Variants in IMPG2 observed in about 807,000 individuals in gnomAD.
IMPG2 encodes the protein IPM 200.
IMPG2 carries 91 observed loss-of-function variants against 129.2 expected under a neutral mutation model. That is an observed-to-expected ratio of 0.70 (90% CI 0.59 to 0.84). The LOEUF (loss-of-function observed/expected upper bound fraction) is 0.84. IMPG2 is among the 40% of genes least tolerant of loss of function. The probability of loss-of-function intolerance (pLI) is 0.00; values close to 1 mark genes in which losing one functional copy is unlikely to be tolerated. For missense variants in IMPG2, 1,430 were observed against 1,461.7 expected (o/e 0.98, Z 0.35); for synonymous variants, 510 against 517.7 (o/e 0.99, Z 0.20).
chr3:101,238,692 C>T (rs1409034303), intron 14 of IMPG2, among the ~76,000 whole-genome samples: 2 of 152,162 alleles, frequency 1.3e-5, no homozygotes, highest in African/African-American at 2.4e-5. Flanking sequence ...CACCATTAGG[C>T]CTGCCTTACA....
rs773667827 is a variant in IMPG2 at position 101,243,707 on chromosome 3, G to A, written c.2624C>T (p.Thr875Ile). 6.2e-7 allele frequency: 1 copy of A among 1,614,052 alleles called. No individual in the cohort carries two copies. Among genetic ancestry groups the A allele is most frequent in the Non-Finnish European group, 8.5e-7 (1 of 1,179,982 alleles). The stretch of plus-strand genomic sequence containing the variant: ...GGGCCAAGCCACACTAACCATCTCT[G>A]TGGAGTGAACACTTGTTGACATTTC... ...YVEMSTSVHSTEMVSVAWPTE... is the reference protein window; with the variant it reads ...YVEMSTSVHSIEMVSVAWPTE... The change falls in exon 13 of 19, where the codon ACA (threonine) becomes ATA (isoleucine). Residue 875 changes from threonine (T) to isoleucine (I), a missense_variant. Transcript: ENST00000193391.
chr3:101,229,516 T>A lies in IMPG2; in HGVS notation c.3497A>T (p.His1166Leu), dbSNP rs1318483213. 1.2e-6 allele frequency: 2 copies of A among 1,613,800 alleles called. No individual in the cohort carries two copies. The highest frequency in any genetic ancestry group is 1.7e-6 in the Non-Finnish European group (2 of 1,180,032). Residue 1166 changes from histidine to leucine, a missense_variant, in exon 17 of 19, where the codon CAC becomes CTC. Transcript: ENST00000193391. ...CTCATACTTCTCACATCCAGCCCTG[T>A]GACTTTCATACACGGGGTTGTACTT... ...AVKYNPVYES[H>L]RAGCEKYEGP...
intron 8 of IMPG2, 73 bp downstream of exon 8, chr3:101,269,442 T>C: frequency 1.2e-6 from 1 of 860,266 alleles, no homozygotes; most frequent in Non-Finnish European, 2.0e-6. Context: ...ATATGTGTGA[T>C]AAATATAATG....
chr3:101,281,623 C>A (rs1333993455), intron 4 of IMPG2, among the ~76,000 whole-genome samples: 1 of 152,116 alleles, frequency 6.6e-6, no homozygotes, highest in African/African-American at 2.4e-5. Context: ...CAAAGAGGGC[C>A]ATATCTTAAT....
intron 2 of IMPG2, among the ~76,000 whole-genome samples, chr3:101,312,474 T>C (rs1436918106): frequency 6.6e-6 from 1 of 152,046 alleles, no homozygotes; most frequent in Non-Finnish European, 1.5e-5. Context: ...TGAGACATCA[T>C]TTCAAACCTA....
rs375172482 is a variant in IMPG2, at chr3:101,245,797, C to G, written c.1543+5G>C. The stretch of plus-strand genomic sequence containing the variant: ...GAAGTACGAAAAGCAATTAAAGTTT[C>G]TCACCATCTTCTACCAAGTGAGATC... On this transcript the variant is annotated splice_donor_5th_base_variant and intron_variant, in intron 12 of 18. Coordinates refer to ENST00000193391, the MANE Select transcript of IMPG2 (RefSeq NM_016247.4). 1.2e-6 allele frequency: 2 copies of G among 1,613,132 alleles called. No homozygotes were observed. Among genetic ancestry groups the G allele is most frequent in the Non-Finnish European group, 1.7e-6 (2 of 1,179,272 alleles).
chr3:101,310,418 G>T (rs758864461), intron 2 of IMPG2, among the ~76,000 whole-genome samples: 8 of 151,972 alleles, frequency 5.3e-5, no homozygotes, highest in Non-Finnish European at 1.2e-4. Flanking sequence ...AATTAGCCGG[G>T]CATGGTGGCA....
intron 11 of IMPG2, among the ~76,000 whole-genome samples, chr3:101,246,959 G>A (rs1459690843): frequency 6.6e-6 from 1 of 152,004 alleles, no homozygotes; most frequent in African/African-American, 2.4e-5. Context: ...AGCCAGGCAT[G>A]GTGGCACACA....
rs751422622 is a variant in IMPG2, at chr3:101,244,751, G to A, written c.1580C>T (p.Ser527Phe). Residue 527 changes from serine (S) to phenylalanine (F), a missense_variant, in exon 13 of 19, where the codon TCT becomes TTT. Coordinates refer to ENST00000193391, the MANE Select transcript of IMPG2 (RefSeq NM_016247.4). ...ANVEESEDFLSIDSLPSSSFT... is the reference protein window; with the variant it reads ...ANVEESEDFLFIDSLPSSSFT... ...TGAACTTGAAGGCAATGAATCAATAGAAAGAAAATCTTCTGACTCTTCAAC... is the reference window on the plus strand; with the variant it reads ...TGAACTTGAAGGCAATGAATCAATAAAAAGAAAATCTTCTGACTCTTCAAC... The A allele has an allele frequency of 1.9e-6, 3 of 1,613,862 alleles. No individual in the cohort carries two copies. The highest frequency in any genetic ancestry group is 2.5e-6 in the Non-Finnish European group (3 of 1,179,908).
intron 11 of IMPG2, among the ~76,000 whole-genome samples, chr3:101,249,339 A>C (rs1706519512): frequency 6.6e-6 from 1 of 152,200 alleles, no homozygotes; most frequent in Non-Finnish European, 1.5e-5. Flanking sequence ...ATTAAAGTTT[A>C]AGTCATTTCT....
intron 2 of IMPG2, among the ~76,000 whole-genome samples, chr3:101,313,865 G>T (rs1029739863): frequency 1.8e-4 from 27 of 152,052 alleles, no homozygotes; most frequent in African/African-American, 6.5e-4. Flanking sequence ...AAAGCTACTA[G>T]AACTGGTAAG....
Position 101,269,872 on chromosome 3 carries a change from T to C in IMPG2, c.829-299A>G, listed in dbSNP as rs148352020. On this transcript the variant is annotated intron_variant, in intron 7 of 18. Coordinates refer to ENST00000193391, the MANE Select transcript of IMPG2 (RefSeq NM_016247.4). ...TGTTTTTCCCTTATGTGATGAAATG[T>C]GAAAAAAAAATTGTTTCAAAAGAAG... Among the ~76,000 whole-genome samples, 118 of 150,800 alleles carry C rather than the reference T, an allele frequency of 7.8e-4. 3 individuals are homozygous for C. In the East Asian group the frequency reaches 0.02, roughly 26 times the overall value.
chr3:101,254,707 A>C (rs548199162), intron 10 of IMPG2, among the ~76,000 whole-genome samples: 2 of 152,234 alleles, frequency 1.3e-5, no homozygotes, highest in East Asian at 3.9e-4. Flanking sequence ...TATGAAAAAT[A>C]AGCTCCACAA....
At position 101,251,130 on chromosome 3, in the gene IMPG2, A is replaced by C. The variant is rs141892325; in HGVS notation, c.1239+2566T>G. 5.6e-3 allele frequency among the ~76,000 whole-genome samples: 847 copies of C among 152,340 alleles called. 11 individuals carry two copies. Among genetic ancestry groups the C allele is most frequent in the African/African-American group, 0.02 (821 of 41,584 alleles). On this transcript the variant is annotated intron_variant, in intron 11 of 18. Coordinates refer to ENST00000193391, the MANE Select transcript of IMPG2 (RefSeq NM_016247.4). ...TTAAGCCCTTCAAGCCATGCTTAAG[A>C]AATTGAGTTTTATCAGACAGAGCGC...
chr3:101,237,341 T>C (rs996088354), intron 14 of IMPG2, among the ~76,000 whole-genome samples: 2 of 152,072 alleles, frequency 1.3e-5, no homozygotes, highest in African/African-American at 2.4e-5. Context: ...GAGCAGCAGA[T>C]CTCCCAGCAC....
intron 10 of IMPG2, 43 bp from the exon 11 acceptor site, chr3:101,253,824 C>T (rs749152123): frequency 7.3e-7 from 1 of 1,375,772 alleles, no homozygotes; most frequent in Non-Finnish European, 1.0e-6. Flanking sequence ...AGATGAGGCC[C>T]TATTGTATTT....
In IMPG2 at chr3:101,310,577, AAAAAAAAAAAAAG is replaced by A. The variant is rs78494503; in HGVS notation, c.335-6278_335-6266del. Among the ~76,000 whole-genome samples, 148 of 68,438 alleles carry A rather than the reference AAAAAAAAAAAAAG, an allele frequency of 2.2e-3. 3 individuals carry two copies. The East Asian group carries it at 0.048, about 22-fold the overall frequency. The allele number at this position is 68,438 out of a possible 152,430, so 44.9% of individuals were successfully genotyped here. The stretch of plus-strand genomic sequence containing the variant: ...CCTGTCTCAAAAAAAAAAAAAAAAA[AAAAAAAAAAAAAG>A]ATGGTTACAGAGATAGACACATAAT... On this transcript the variant is annotated intron_variant, in intron 2 of 18. Coordinates refer to ENST00000193391, the MANE Select transcript of IMPG2 (RefSeq NM_016247.4).
intron 9 of IMPG2, among the ~76,000 whole-genome samples, chr3:101,261,258 G>A (rs1706666956): frequency 6.6e-6 from 1 of 151,812 alleles, no homozygotes; most frequent in African/African-American, 2.4e-5. Flanking sequence ...ATGACTCTAA[G>A]ATAAAAAAAC....
intron 3 of IMPG2, among the ~76,000 whole-genome samples, chr3:101,301,555 A>G (rs998334976): frequency 6.6e-6 from 1 of 152,228 alleles, no homozygotes; most frequent in Non-Finnish European, 1.5e-5. Flanking sequence ...AGGTGGTTCA[A>G]ATGAATACAT....
Sources: gnomAD v4.1 joint callset for allele counts (sites outside exome capture counted in the v4.1 genomes callset) on GRCh38, gnomAD v4.1.1 for gene constraint, MANE v1.5 for transcripts, NCBI Gene and HGNC (gene_info 2026-07-23, HGNC 2026-07-21) for gene names.